SPATA22: variants seen among roughly 807,000 people sequenced by gnomAD.
SPATA22 encodes the protein spermatogenesis-associated protein 22.
SPATA22 carries 29 observed loss-of-function variants against 47.8 expected under a neutral mutation model. The observed-to-expected ratio is 0.61, with a 90% CI of 0.45 to 0.83. The LOEUF (loss-of-function observed/expected upper bound fraction) is 0.83. Among genes scored for constraint, SPATA22 ranks in the 40% least tolerant of loss-of-function variants. The pLI, the probability that SPATA22 is intolerant of heterozygous loss-of-function variation, is 0.00. For synonymous variants in SPATA22, 133 were observed against 140.9 expected, an observed-to-expected ratio of 0.94 and a Z score of 0.40; for missense variants, 410 against 421.7, an observed-to-expected ratio of 0.97 and a Z score of 0.24.
At chr17:3,513,233 T>C (rs1255826449) in intron 1 of SPATA22, 2 of 152,664 alleles carry the variant, frequency 1.3e-5, no homozygotes, top group African/African-American at 4.8e-5. Context: ...GTCTTTTCCG[T>C]ATTGCAAGTT....
chr17:3,470,659 G>C (rs574688498), intron 1 of SPATA22, among the ~76,000 whole-genome samples: 1 of 152,050 alleles, frequency 6.6e-6, no homozygotes, highest in African/African-American at 2.4e-5. Context: ...GCTGAGGCAG[G>C]AGAATGGCAT....
intron 1 of SPATA22, among the ~76,000 whole-genome samples, chr17:3,504,802 A>G (rs35321175): frequency 0.9 from 137,011 of 151,826 alleles, 62,794 homozygotes; most frequent in Non-Finnish European, 0.98. Context: ...CAGATGATCC[A>G]CCCACCTCGG....
At chr17:3,493,856 G>A (rs113384456) in intron 1 of SPATA22, among the ~76,000 whole-genome samples, 10 of 152,214 alleles carry the variant, frequency 6.6e-5, no homozygotes, top group South Asian at 4.1e-4. Flanking sequence ...ACCTCTGGCC[G>A]TCGGCGTGTT....
chr17:3,482,041 C>T (rs1380408117), intron 1 of SPATA22, among the ~76,000 whole-genome samples: 2 of 152,082 alleles, frequency 1.3e-5, no homozygotes, highest in Non-Finnish European at 2.9e-5. Context: ...AGTAATAAAA[C>T]ACTTGTGGAT....
Position 3,471,705 on chromosome 17 carries a change from T to C in SPATA22, c.-97A>G, listed in dbSNP as rs2073440751. Reference sequence around the variant, plus strand: ...ACAGTCTTTCCCTTCTAGGCCCTCCTGCCAACACGACACACAACTTTCGCC... The same window carrying C: ...ACAGTCTTTCCCTTCTAGGCCCTCCCGCCAACACGACACACAACTTTCGCC... On this transcript the variant is annotated 5_prime_UTR_variant, in exon 1 of 9. Coordinates refer to ENST00000572969, the MANE Select transcript of SPATA22 (RefSeq NM_001170698.2). 7 of 985,428 alleles carry C rather than the reference T, an allele frequency of 7.1e-6. No individual in the cohort carries two copies. The highest frequency in any genetic ancestry group is 7.2e-6 in the Non-Finnish European group (6 of 830,020). The allele number at this position is 985,428 out of a possible 1,614,324, so 61.0% of individuals were successfully genotyped here.
At chr17:3,445,871 T>C (rs2072715723) in intron 7 of SPATA22, among the ~76,000 whole-genome samples, 1 of 152,134 alleles carries the variant, frequency 6.6e-6, no homozygotes, top group South Asian at 2.1e-4. Context: ...CATTGCTGCT[T>C]ACAAATTACC....
chr17:3,440,360 T>C (rs200477962), intron 8 of SPATA22, 22 bp from the exon 9 acceptor site: 1 of 1,494,480 alleles, frequency 6.7e-7, no homozygotes. Context: ...AAAATAAGTA[T>C]CAAAAAATAG....
At chr17:3,498,769 C>T (rs1352921039) in intron 1 of SPATA22, 1 of 1,000,254 alleles carries the variant, frequency 1.0e-6, no homozygotes, top group Non-Finnish European at 1.4e-6. Context: ...CTCAATGCCT[C>T]GCTCAAGTAT....
At chr17:3,464,049 T>A (rs1325937135) in intron 3 of SPATA22, among the ~76,000 whole-genome samples, 2 of 151,204 alleles carry the variant, frequency 1.3e-5, no homozygotes. Context: ...TGGACTGTAC[T>A]GCTGCCATCT....
intron 1 of SPATA22, chr17:3,499,264 A>C (rs2073962125): frequency 1.8e-6 from 1 of 548,126 alleles, no homozygotes; most frequent in Admixed American, 3.4e-5. Flanking sequence ...TAAAGATATC[A>C]TATTTTATGT....
chr17:3,494,141 T>G (rs2073871678), intron 1 of SPATA22, among the ~76,000 whole-genome samples: 1 of 151,782 alleles, frequency 6.6e-6, no homozygotes, highest in Non-Finnish European at 1.5e-5. Flanking sequence ...TTCTCCTGCC[T>G]CAGCCTCCCA....
intron 1 of SPATA22, chr17:3,471,342 A>G: frequency 1.2e-6 from 1 of 824,958 alleles, no homozygotes. Context: ...TCTCAGGATC[A>G]AACAAACAGA....
chr17:3,500,474 T>C (rs953703601), intron 1 of SPATA22: 1 of 152,056 alleles, frequency 6.6e-6, no homozygotes, highest in Non-Finnish European at 1.5e-5. Context: ...CCAAAGCTCA[T>C]TAACTGTTTC....
intron 1 of SPATA22, among the ~76,000 whole-genome samples, chr17:3,503,775 C>T (rs2074016734): frequency 1.3e-5 from 2 of 151,998 alleles, no homozygotes; most frequent in East Asian, 1.9e-4. Context: ...TTGATTATTT[C>T]TAACAATCTA....
exon 1 of SPATA22, chr17:3,513,802 C>T (rs1243795081): frequency 2.3e-6 from 2 of 878,590 alleles, no homozygotes; most frequent in Non-Finnish European, 3.7e-6. Flanking sequence ...GTGCACTCTG[C>T]TTCTAGGCCA....
At chr17:3,501,971 A>T (rs2073996398) in intron 1 of SPATA22, 1 of 152,226 alleles carries the variant, frequency 6.6e-6, no homozygotes, top group East Asian at 1.9e-4. Context: ...AAAAAAAAAA[A>T]AAATGAGTTC....
chr17:3,505,095 A>AT (rs79353362), intron 1 of SPATA22, among the ~76,000 whole-genome samples: 137,188 of 151,988 alleles, frequency 0.9, 62,775 homozygotes, highest in Non-Finnish European at 0.98. Flanking sequence ...CTTTGCCCAC[A>AT]TTTTCCCACT....
intron 1 of SPATA22, among the ~76,000 whole-genome samples, chr17:3,477,930 C>A (rs1157229867): frequency 6.6e-6 from 1 of 151,808 alleles, no homozygotes; most frequent in Non-Finnish European, 1.5e-5. Context: ...CACCTGTAAT[C>A]CCAACACTTT....
At chr17:3,464,029 A>C (rs55767739) in intron 3 of SPATA22, among the ~76,000 whole-genome samples, 2 of 140,658 alleles carry the variant, frequency 1.4e-5, no homozygotes, top group Non-Finnish European at 3.2e-5. Flanking sequence ...CTCTCATGCC[A>C]AGCCGAAGCT....
Sources: allele counts gnomAD v4.1 joint callset (sites outside exome capture counted in the v4.1 genomes callset), GRCh38; gene constraint gnomAD v4.1.1; transcripts MANE v1.5; gene names NCBI Gene and HGNC (gene_info 2026-07-23, HGNC 2026-07-21).